SNX14: variants seen among roughly 807,000 people sequenced by gnomAD.
The protein encoded by SNX14 is sorting nexin 14.
A neutral mutation model predicts 133.8 loss-of-function variants in SNX14; 93 were observed. The observed-to-expected ratio is 0.70, with a 90% CI of 0.59 to 0.83. The LOEUF is 0.83. SNX14 is among the 40% of genes least tolerant of loss of function. The probability of loss-of-function intolerance (pLI) is 0.00; values close to 1 mark genes in which losing one functional copy is unlikely to be tolerated. For synonymous variants in SNX14, 368 were observed against 365.6 expected, an observed-to-expected ratio of 1.01 and a Z score of -0.07; for missense variants, 945 against 1,094.9, an observed-to-expected ratio of 0.86 and a Z score of 1.93.
chr6:85,511,825 G>GT (rs954539052), intron 26 of SNX14, among the ~76,000 whole-genome samples: 139 of 152,284 alleles, frequency 9.1e-4, no homozygotes, highest in African/African-American at 3.3e-3. Flanking sequence ...TCGTCAAACT[G>GT]TTTTTTCTTG....
rs189488812 is a variant in SNX14 at position 85,564,951 on chromosome 6, T to C, written c.549+381A>G. ...TTGCAGTGAGCTGAGATCATGCCAC[T>C]GTACTCCAGCCTGGGCGACAGAGCA... On this transcript the variant is annotated intron_variant, in intron 6 of 28. Coordinates refer to ENST00000314673, the MANE Select transcript of SNX14 (RefSeq NM_153816.6). Among the ~76,000 whole-genome samples the C allele has an allele frequency of 6.9e-3, 1,047 of 151,146 alleles. 12 individuals are homozygous for C. The highest frequency in any genetic ancestry group is 0.024 in the African/African-American group (976 of 41,042).
chr6:85,548,254 T>C lies in SNX14; in HGVS notation c.867+47A>G, dbSNP rs756634274. The C allele has an allele frequency of 6.8e-6, 9 of 1,316,802 alleles. No homozygotes were observed. In the Admixed American group the frequency reaches 1.4e-4, roughly 20 times the overall value. 81.6% of individuals were successfully genotyped at this position (1,316,802 alleles called of 1,614,324 possible). On this transcript the variant is annotated intron_variant, in intron 9 of 28. Coordinates refer to ENST00000314673, the MANE Select transcript of SNX14 (RefSeq NM_153816.6). ...AAAATGTTTAAGATACTAAATGTTA[T>C]ATTAAGTGTAATTTGTAACAATTTA...
At position 85,593,514 on chromosome 6, in the gene SNX14, G is replaced by A. The variant is rs1338924989; in HGVS notation, c.140+65C>T. The A allele has an allele frequency of 3.9e-6, 6 of 1,538,364 alleles. No individual in the cohort carries two copies. In the East Asian group the frequency reaches 1.4e-4, roughly 37 times the overall value. On this transcript the variant is annotated intron_variant, in intron 1 of 28. Coordinates refer to ENST00000314673, the MANE Select transcript of SNX14 (RefSeq NM_153816.6). ...TACGCGGCCTCCGCACGGTTAAGCA[G>A]CACGGGCCGGGCGTCTGCACCTTCG...
At chr6:85,540,569 A>G (rs2128054420) in intron 15 of SNX14, among the ~76,000 whole-genome samples, 1 of 152,356 alleles carries the variant, frequency 6.6e-6, no homozygotes, top group South Asian at 2.1e-4. Context: ...AAAAAGTTAC[A>G]AAGTGGTATT....
At position 85,528,281 on chromosome 6, in the gene SNX14, T is replaced by C. The variant is rs1328748830; in HGVS notation, c.1976A>G (p.Glu659Gly). The C allele has an allele frequency of 6.2e-7, 1 of 1,612,242 alleles. No homozygotes were observed. Among genetic ancestry groups the C allele is most frequent in the Admixed American group, 1.7e-5 (1 of 59,962 alleles). The change falls in exon 20 of 29, where the codon GAG becomes GGG. Residue 659 changes from glutamate (E) to glycine (G), a missense_variant. Coordinates refer to ENST00000314673, the MANE Select transcript of SNX14 (RefSeq NM_153816.6). ...TTATACCTGTAGATATTCTTGGAAC[T>C]CTTCCCTCTTTGACTTTAAGAATTC... Reference protein sequence around the residue: ...NYEFLKSKREEFQEYLQKLLQ... With the variant: ...NYEFLKSKREGFQEYLQKLLQ...
In SNX14 at chr6:85,536,695, A is replaced by G. The variant is rs1006124441; in HGVS notation, c.1608+97T>C. ...AGGTAAAGTATTAAACAGAATACACAGATTCTCCAAAAAAAGGAAAATAAT... is the reference window on the plus strand; with the variant it reads ...AGGTAAAGTATTAAACAGAATACACGGATTCTCCAAAAAAAGGAAAATAAT... On this transcript the variant is annotated intron_variant, in intron 17 of 28. Coordinates refer to ENST00000314673, the MANE Select transcript of SNX14 (RefSeq NM_153816.6). 45 of 1,190,686 alleles carry G rather than the reference A, an allele frequency of 3.8e-5. No homozygotes were observed. The African/African-American group carries it at 6.6e-4, about 17-fold the overall frequency. The allele number at this position is 1,190,686 out of a possible 1,614,324, so 73.8% of individuals were successfully genotyped here.
chr6:85,578,468 C>G (rs1798005902), intron 1 of SNX14, among the ~76,000 whole-genome samples: 1 of 152,068 alleles, frequency 6.6e-6, no homozygotes, highest in Non-Finnish European at 1.5e-5. Flanking sequence ...AACTGCTGGA[C>G]ATTACTGAGG....
intron 6 of SNX14, among the ~76,000 whole-genome samples, chr6:85,562,190 G>A (rs1037171352): frequency 2.0e-5 from 3 of 152,080 alleles, no homozygotes; most frequent in Admixed American, 6.5e-5. Context: ...TTATGGCTGC[G>A]TGGTATTCCA....
At chr6:85,545,236 G>A (rs532974479) in intron 12 of SNX14, among the ~76,000 whole-genome samples, 21 of 152,158 alleles carry the variant, frequency 1.4e-4, no homozygotes, top group African/African-American at 4.6e-4. Context: ...CAGCAAAGGA[G>A]AAAAAGAAAG....
At chr6:85,550,705 C>T (rs911384418) in intron 7 of SNX14, among the ~76,000 whole-genome samples, 26 of 151,944 alleles carry the variant, frequency 1.7e-4, no homozygotes, top group Non-Finnish European at 3.1e-4. Context: ...TGTCATGTTG[C>T]CCAGGCTGGT....
rs1464684880 is a variant in SNX14 at position 85,526,093 on chromosome 6, ATTATC to A, written c.2107+28_2107+32del. The A allele has an allele frequency of 4.5e-6, 6 of 1,347,536 alleles. 1 individual carries two copies. The South Asian group carries it at 6.5e-5, about 15-fold the overall frequency. The allele number at this position is 1,347,536 out of a possible 1,614,324, so 83.5% of individuals were successfully genotyped here. The stretch of plus-strand genomic sequence containing the variant: ...TGAAAATGCTGATTCTTTTCAGCTT[ATTATC>A]TTATAATGATTCTTTAAATTGACTT... On this transcript the variant is annotated intron_variant, in intron 21 of 28. Transcript: ENST00000314673.
intron 12 of SNX14, among the ~76,000 whole-genome samples, chr6:85,546,207 C>A (rs561502949): frequency 1.8e-4 from 27 of 151,998 alleles, no homozygotes; most frequent in Admixed American, 1.4e-3. Flanking sequence ...ATTTTCTGGG[C>A]TGATGGAAAT....
chr6:85,587,181 A>G (rs181356529), intron 1 of SNX14, among the ~76,000 whole-genome samples: 7 of 150,986 alleles, frequency 4.6e-5, no homozygotes, highest in Admixed American at 2.6e-4. Flanking sequence ...CACCCACTCT[A>G]TAAGACATTT....
chr6:85,507,949 G>T lies in SNX14; in HGVS notation c.2745+19C>A. 2 of 1,604,810 alleles carry T rather than the reference G, an allele frequency of 1.2e-6. No individual in the cohort carries two copies. The highest frequency in any genetic ancestry group is 2.2e-5 in the East Asian group (1 of 44,654). On this transcript the variant is annotated intron_variant, in intron 27 of 28. Coordinates refer to ENST00000314673, the MANE Select transcript of SNX14 (RefSeq NM_153816.6). ...CCAAACCTAGCCAGCATGAGTTTAC[G>T]AGCTTTAATGAGCTTTACCTGCTTG...
chr6:85,574,190 G>A (rs557791886), intron 2 of SNX14, 68 bp downstream of exon 2: 3 of 1,202,878 alleles, frequency 2.5e-6, no homozygotes, highest in Non-Finnish European at 3.3e-6. Context: ...GCTTTAGCAG[G>A]CTTTCAAATA....
intron 26 of SNX14, among the ~76,000 whole-genome samples, chr6:85,512,242 G>GC (rs751323201): frequency 3.9e-5 from 6 of 152,056 alleles, no homozygotes; most frequent in Non-Finnish European, 8.8e-5. Context: ...TTCCCTTCTG[G>GC]CCCCCTTGCC....
intron 26 of SNX14, among the ~76,000 whole-genome samples, chr6:85,512,734 C>T (rs1442674980): frequency 6.6e-6 from 1 of 151,994 alleles, no homozygotes; most frequent in South Asian, 2.1e-4. Flanking sequence ...AGTTATAGTT[C>T]AGGTTTCCCT....
chr6:85,555,880 C>G (rs367764665), intron 7 of SNX14, among the ~76,000 whole-genome samples: 2 of 151,722 alleles, frequency 1.3e-5, no homozygotes, highest in East Asian at 1.9e-4. Context: ...CCCAGCTACT[C>G]GGGAGGCTGA....
intron 18 of SNX14, among the ~76,000 whole-genome samples, chr6:85,533,188 T>C (rs971980126): frequency 6.6e-6 from 1 of 152,154 alleles, no homozygotes; most frequent in Admixed American, 6.6e-5. Context: ...TGCCTGGCCA[T>C]ATTTTCATCA....
Sources: allele counts gnomAD v4.1 joint callset (sites outside exome capture counted in the v4.1 genomes callset), GRCh38; gene constraint gnomAD v4.1.1; transcripts MANE v1.5; gene names NCBI Gene and HGNC (gene_info 2026-07-23, HGNC 2026-07-21).